Variants in PRELID2 observed in about 807,000 individuals in gnomAD.
PRELID2 encodes the protein PRELI domain containing 2.
Under a neutral mutation model 28.4 loss-of-function variants are expected in PRELID2, and 25 were observed. The ratio of observed to expected loss-of-function variants is 0.88; its 90% CI spans 0.64 to 1.23. The LOEUF (loss-of-function observed/expected upper bound fraction) is 1.23, where lower values mean the gene tolerates loss of function less well. PRELID2 is among the 50% of genes most tolerant of loss of function. The pLI is 0.00. For synonymous variants in PRELID2, 76 were observed against 71.6 expected (o/e 1.06, Z -0.31); for missense variants, 201 against 214.4 (o/e 0.94, Z 0.39).
At chr5:145,597,050 G>A (rs1302604970) in intron 1 of PRELID2, among the ~76,000 whole-genome samples, 3 of 152,106 alleles carry the variant, frequency 2.0e-5, no homozygotes, top group Non-Finnish European at 1.5e-5. Context: ...AAGCACATCA[G>A]TAGAGTTAAC....
chr5:145,557,521 T>C (rs1016215453), intron 1 of PRELID2, among the ~76,000 whole-genome samples: 4 of 152,150 alleles, frequency 2.6e-5, no homozygotes, highest in South Asian at 2.1e-4. Context: ...ATACAGACAA[T>C]TGAGTGAGAA....
chr5:145,549,241 C>T (rs1188760976), intron 1 of PRELID2, among the ~76,000 whole-genome samples: 1 of 152,130 alleles, frequency 6.6e-6, no homozygotes, highest in Non-Finnish European at 1.5e-5. Flanking sequence ...CAGGAGAGAT[C>T]AAGTCTATTT....
Position 145,824,425 on chromosome 5 carries a change from C to CGTGTGTGTGTGTGTGT in PRELID2, c.76-1307_76-1292dup, listed in dbSNP as rs369429281. Among the ~76,000 whole-genome samples the CGTGTGTGTGTGTGTGT allele has an allele frequency of 3.2e-3, 304 of 96,240 alleles. 1 individual carries two copies. Among genetic ancestry groups the CGTGTGTGTGTGTGTGT allele is most frequent in the African/African-American group, 5.0e-3 (165 of 32,928 alleles). 63.1% of individuals were successfully genotyped at this position (96,240 alleles called of 152,430 possible). A position where few individuals can be genotyped will look rare whatever the true frequency, so the allele number is the denominator to read the frequency against. ...ACTGTGGGTCTCCACCCACAGCAGG[C>CGTGTGTGTGTGTGTGT]GTGTGTGTGTGTGTGTGTGTGTGTG... On this transcript the variant is annotated intron_variant, in intron 1 of 6. Coordinates refer to ENST00000683046, the MANE Select transcript of PRELID2 (RefSeq NM_205846.3).
the PRELID2 span, among the ~76,000 whole-genome samples, chr5:145,383,719 T>C: frequency 6.6e-6 from 1 of 151,712 alleles, no homozygotes; most frequent in Admixed American, 6.6e-5. Flanking sequence ...TGTAAAAATC[T>C]TCTAGAAGAA....
chr5:145,303,162 T>A, the PRELID2 span, among the ~76,000 whole-genome samples: 1 of 152,162 alleles, frequency 6.6e-6, no homozygotes, highest in South Asian at 2.1e-4. Flanking sequence ...CAGAATTAAA[T>A]AACATTTGTA....
the PRELID2 span, among the ~76,000 whole-genome samples, chr5:145,245,420 A>C: frequency 8.1e-5 from 12 of 148,256 alleles, no homozygotes; most frequent in Admixed American, 6.8e-4. Flanking sequence ...AGAAAGAGAG[A>C]GAGAGAGAGA....
chr5:145,356,034 C>T, the PRELID2 span, among the ~76,000 whole-genome samples: 1 of 152,126 alleles, frequency 6.6e-6, no homozygotes, highest in South Asian at 2.1e-4. Context: ...TGAATTCTTC[C>T]AATGTCTTAC....
chr5:145,430,122 A>G, the PRELID2 span, among the ~76,000 whole-genome samples: 14 of 152,208 alleles, frequency 9.2e-5, no homozygotes, highest in African/African-American at 3.1e-4. Context: ...TCGATGAAGT[A>G]ATAGTTAATT....
intron 1 of PRELID2, among the ~76,000 whole-genome samples, chr5:145,640,204 C>T (rs1561528274): frequency 6.6e-6 from 1 of 152,036 alleles, no homozygotes; most frequent in Non-Finnish European, 1.5e-5. Flanking sequence ...AATTGGCCGG[C>T]GGCCGGGCGC....
At chr5:145,273,206 C>T in the PRELID2 span, among the ~76,000 whole-genome samples, 4 of 152,184 alleles carry the variant, frequency 2.6e-5, no homozygotes, top group African/African-American at 7.2e-5. Context: ...AGGACTATCT[C>T]GAATTATTTT....
At chr5:145,556,334 C>T (rs1752880014) in intron 1 of PRELID2, among the ~76,000 whole-genome samples, 1 of 152,130 alleles carries the variant, frequency 6.6e-6, no homozygotes, top group African/African-American at 2.4e-5. Flanking sequence ...TTCCCTATCG[C>T]AGTAAAAGGG....
downstream of PRELID2, among the ~76,000 whole-genome samples, chr5:145,466,878 C>T (rs1580947764): frequency 6.6e-6 from 1 of 152,222 alleles, no homozygotes; most frequent in Admixed American, 6.5e-5. Flanking sequence ...ACCATTACAA[C>T]CTCACACCTA....
intron 1 of PRELID2, among the ~76,000 whole-genome samples, chr5:145,555,669 GC>G (rs375628177): frequency 2.8e-4 from 42 of 152,274 alleles, no homozygotes; most frequent in African/African-American, 9.9e-4. Context: ...GAATGCTGAA[GC>G]TGATCAATTA....
chr5:145,571,300 A>AGGC (rs1753013235), intron 1 of PRELID2, among the ~76,000 whole-genome samples: 1 of 152,128 alleles, frequency 6.6e-6, no homozygotes, highest in African/African-American at 2.4e-5. Flanking sequence ...TCCAAAGTTA[A>AGGC]CCTGAAAAAT....
At chr5:145,447,985 C>A in the PRELID2 span, among the ~76,000 whole-genome samples, 1 of 151,950 alleles carries the variant, frequency 6.6e-6, no homozygotes, top group South Asian at 2.1e-4. Flanking sequence ...GGGTATATAC[C>A]CAGTAATGGG....
chr5:145,820,193 C>G (rs10214180), intron 2 of PRELID2, among the ~76,000 whole-genome samples, 175 bp from the exon 3 acceptor site: 2,253 of 151,400 alleles, frequency 0.015, 27 homozygotes, highest in African/African-American at 0.025. Flanking sequence ...CTTCTACCTC[C>G]TGGGTTCAAG....
chr5:145,588,655 G>A (rs1266063410), intron 1 of PRELID2, among the ~76,000 whole-genome samples: 2 of 152,102 alleles, frequency 1.3e-5, no homozygotes, highest in Non-Finnish European at 2.9e-5. Context: ...TGGCAGGTCA[G>A]TCCTACCTCA....
the PRELID2 span, among the ~76,000 whole-genome samples, chr5:145,447,481 T>TA: frequency 2.0e-5 from 3 of 150,890 alleles, no homozygotes; most frequent in Non-Finnish European, 4.4e-5. Context: ...TTTTTTTTTT[T>TA]TTATTATACT....
chr5:145,308,860 T>C, the PRELID2 span, among the ~76,000 whole-genome samples: 1 of 152,206 alleles, frequency 6.6e-6, no homozygotes, highest in Non-Finnish European at 1.5e-5. Flanking sequence ...TGCAGGGACC[T>C]TGATGCTATC....
Sources: gnomAD v4.1 joint callset for allele counts (sites outside exome capture counted in the v4.1 genomes callset) on GRCh38, gnomAD v4.1.1 for gene constraint, MANE v1.5 for transcripts, NCBI Gene and HGNC (gene_info 2026-07-23, HGNC 2026-07-21) for gene names.